The following XPOT variants were observed in gnomAD, a reference collection of about 807,000 sequenced individuals.
XPOT encodes exportin-T.
XPOT carries 34 observed loss-of-function variants against 128.2 expected under a neutral mutation model. That is an observed-to-expected ratio of 0.27 (90% confidence interval 0.20 to 0.35). The LOEUF (loss-of-function observed/expected upper bound fraction) is 0.35, where lower values mean the gene tolerates loss of function less well. Among genes scored for constraint, XPOT ranks in the 10% least tolerant of loss-of-function variants. The probability of loss-of-function intolerance (pLI) is 1.00; values close to 1 mark genes in which losing one functional copy is unlikely to be tolerated. For missense variants in XPOT, 838 were observed against 1,125.3 expected (o/e 0.74, Z 3.65); for synonymous variants, 348 against 394.3 (o/e 0.88, Z 1.39).
At chr12:64,442,012 G>A (rs1409664068) in intron 23 of XPOT, among the ~76,000 whole-genome samples, 1 of 151,882 alleles carries the variant, frequency 6.6e-6, no homozygotes, top group Non-Finnish European at 1.5e-5. Context: ...GATGGAACAG[G>A]GATATTCATT....
chr12:64,428,438 GAAAAT>G (rs2040210873), intron 16 of XPOT, among the ~76,000 whole-genome samples: 1 of 152,052 alleles, frequency 6.6e-6, no homozygotes, highest in South Asian at 2.1e-4. Context: ...AAAACCAAAA[GAAAAT>G]AAAAATTTAA....
At chr12:64,439,381 T>C (rs148555752) in intron 23 of XPOT, 66 bp downstream of exon 23, 7 of 1,412,402 alleles carry the variant, frequency 5.0e-6, no homozygotes, top group Non-Finnish European at 7.0e-6. Flanking sequence ...GCCTGTGACA[T>C]TGTCGCTAGC....
At chr12:64,429,974 C>A in intron 16 of XPOT, 75 bp from the exon 17 acceptor site, 1 of 1,317,658 alleles carries the variant, frequency 7.6e-7, no homozygotes, top group Non-Finnish European at 1.0e-6. Context: ...ATTTCCTGTT[C>A]CTAATGCACT....
At chr12:64,447,405 C>T (rs748302192) in intron 24 of XPOT, among the ~76,000 whole-genome samples, 14 of 152,128 alleles carry the variant, frequency 9.2e-5, no homozygotes, top group Non-Finnish European at 1.9e-4. Flanking sequence ...ACTTTTGAAT[C>T]ATCAAATAAA....
intron 18 of XPOT, 76 bp downstream of exon 18, chr12:64,431,899 G>A: frequency 2.7e-6 from 4 of 1,488,002 alleles, no homozygotes; most frequent in Non-Finnish European, 3.6e-6. Flanking sequence ...TTCGGATTTT[G>A]CCCTTGGGTT....
At chr12:64,427,946 C>T (rs1472010081) in intron 15 of XPOT, 105 bp from the exon 16 acceptor site, 4 of 728,394 alleles carry the variant, frequency 5.5e-6, no homozygotes, top group Non-Finnish European at 9.5e-6. Flanking sequence ...AGTGACTAGC[C>T]TACAACTGAA....
At chr12:64,414,584 C>T (rs1039197752) in intron 2 of XPOT, among the ~76,000 whole-genome samples, 5 of 152,288 alleles carry the variant, frequency 3.3e-5, no homozygotes, top group Admixed American at 6.5e-5. Flanking sequence ...TCTGCAATTT[C>T]TCAGTAGTAT....
chr12:64,418,620 C>G (rs1028655149), intron 5 of XPOT, among the ~76,000 whole-genome samples: 12 of 152,096 alleles, frequency 7.9e-5, no homozygotes, highest in Non-Finnish European at 1.5e-4. Context: ...ACTTTTCTGT[C>G]AAAGTGTAAG....
intron 16 of XPOT, 122 bp from the exon 17 acceptor site, chr12:64,429,927 A>AT (rs1265597237): frequency 3.5e-6 from 3 of 860,166 alleles, no homozygotes; most frequent in African/African-American, 1.7e-5. Flanking sequence ...ATTTGTCTTT[A>AT]TAAGTATTTG....
Position 64,404,441 on chromosome 12 carries a change from C to G in XPOT, c.-438C>G, listed in dbSNP as rs1418639383. ...GGCGCCCGCCCGCGCGGCACCGACGCGGGGAGCGCGCTTCGCGCTGACTCA... is the reference window on the plus strand; with the variant it reads ...GGCGCCCGCCCGCGCGGCACCGACGGGGGGAGCGCGCTTCGCGCTGACTCA... On this transcript the variant is annotated 5_prime_UTR_variant, in exon 1 of 25. Transcript: ENST00000332707. 2.6e-5 allele frequency: 4 copies of G among 154,144 alleles called. No homozygotes were observed. The highest frequency in any genetic ancestry group is 6.6e-5 in the Admixed American group (1 of 15,160). 9.5% of individuals were successfully genotyped at this position (154,144 alleles called of 1,614,324 possible).
At chr12:64,435,039 T>C in intron 21 of XPOT, 130 bp downstream of exon 21, 2 of 739,502 alleles carry the variant, frequency 2.7e-6, no homozygotes, top group Non-Finnish European at 4.3e-6. Flanking sequence ...TCAGGGTTCT[T>C]TTTTTAAAGA....
chr12:64,418,700 A>T (rs1444083231), intron 5 of XPOT, among the ~76,000 whole-genome samples, 176 bp from the exon 6 acceptor site: 1 of 152,146 alleles, frequency 6.6e-6, no homozygotes, highest in Non-Finnish European at 1.5e-5. Flanking sequence ...TCACTTAAAT[A>T]CTTTTGATAA....
chr12:64,439,450 T>C (rs1199872528), intron 23 of XPOT, 135 bp downstream of exon 23: 23 of 743,994 alleles, frequency 3.1e-5, no homozygotes, highest in African/African-American at 8.9e-5. Context: ...AAATACTGTT[T>C]ATGCTTATCA....
At chr12:64,427,032 T>A (rs1015728801) in intron 15 of XPOT, among the ~76,000 whole-genome samples, 1 of 151,304 alleles carries the variant, frequency 6.6e-6, no homozygotes, top group Non-Finnish European at 1.5e-5. Flanking sequence ...ACATATAAAT[T>A]ATTTTCCAAG....
At position 64,430,136 on chromosome 12, in the gene XPOT, C is replaced by T; in HGVS notation, c.1825C>T (p.Pro609Ser). 6.2e-6 allele frequency: 10 copies of T among 1,613,824 alleles called. No individual in the cohort carries two copies. Among genetic ancestry groups the T allele is most frequent in the Non-Finnish European group, 8.5e-6 (10 of 1,179,820 alleles). Reference sequence around the variant, plus strand: ...AGTGCTGATTGTTAATAGTGAATATCCGGCAGAAAGGAAACAAGCCTTAAT... The same window carrying T: ...AGTGCTGATTGTTAATAGTGAATATTCGGCAGAAAGGAAACAAGCCTTAAT... ...AGVLIVNSEYPAERKQALMRN... is the reference protein window; with the variant it reads ...AGVLIVNSEYSAERKQALMRN... The change falls in exon 17 of 25, where the codon CCG (proline) becomes TCG (serine). Residue 609 changes from proline to serine, a missense_variant. Pro to Ser is a moderately conservative substitution (Grantham distance 74). Coordinates refer to ENST00000332707, the MANE Select transcript of XPOT (RefSeq NM_007235.6).
At chr12:64,444,988 ATT>A in intron 23 of XPOT, 85 bp from the exon 24 acceptor site, 4 of 694,134 alleles carry the variant, frequency 5.8e-6, no homozygotes, top group Non-Finnish European at 8.5e-6. Context: ...AAAAAAAAAA[ATT>A]AAAAAAAAAA....
At chr12:64,418,260 G>C (rs953094997) in intron 5 of XPOT, 145 bp downstream of exon 5, 15 of 618,628 alleles carry the variant, frequency 2.4e-5, no homozygotes, top group Non-Finnish European at 3.6e-5. Flanking sequence ...TGGTTTTAAA[G>C]ATCATGGAAG....
intron 17 of XPOT, 54 bp from the exon 18 acceptor site, chr12:64,431,484 T>A: frequency 6.4e-7 from 1 of 1,574,634 alleles, no homozygotes; most frequent in East Asian, 2.2e-5. Flanking sequence ...GAATACTCCA[T>A]AACACTTTTA....
intron 1 of XPOT, among the ~76,000 whole-genome samples, chr12:64,408,662 G>A (rs1299899028): frequency 6.9e-6 from 1 of 144,062 alleles, no homozygotes; most frequent in Non-Finnish European, 1.6e-5. Flanking sequence ...AGTCATTTGT[G>A]GATTTTTTTT....
Sources: gnomAD v4.1 joint callset for allele counts (sites outside exome capture counted in the v4.1 genomes callset) on GRCh38, gnomAD v4.1.1 for gene constraint, MANE v1.5 for transcripts, NCBI Gene and HGNC (gene_info 2026-07-23, HGNC 2026-07-21) for gene names.